The following LUZP2 variants were observed in gnomAD, a reference collection of about 807,000 sequenced individuals.
The protein encoded by LUZP2 is leucine zipper protein 2.
In LUZP2, 52 loss-of-function variants were observed where a neutral mutation model predicts 51.6. The ratio of observed to expected loss-of-function variants is 1.01; its 90% confidence interval spans 0.81 to 1.27. LUZP2 has a LOEUF of 1.27. Among genes scored for constraint, LUZP2 ranks in the 50% most tolerant of loss-of-function variants. The pLI is 0.00. For synonymous variants in LUZP2, 154 were observed against 137.3 expected, an observed-to-expected ratio of 1.12 and a Z score of -0.85; for missense variants, 436 against 395.4, an observed-to-expected ratio of 1.10 and a Z score of -0.87.
chr11:24,684,573 G>A (rs1856842116), intron 1 of LUZP2, among the ~76,000 whole-genome samples: 1 of 152,156 alleles, frequency 6.6e-6, no homozygotes, highest in African/African-American at 2.4e-5. Context: ...AAGCTTCAGG[G>A]AGCTGAAGCC....
At chr11:24,688,610 A>G (rs1244934133) in intron 1 of LUZP2, among the ~76,000 whole-genome samples, 4 of 152,098 alleles carry the variant, frequency 2.6e-5, no homozygotes, top group Non-Finnish European at 4.4e-5. Context: ...TGGATCTCTT[A>G]AAATCTTATT....
At chr11:24,626,698 G>A (rs978987798) in intron 1 of LUZP2, among the ~76,000 whole-genome samples, 1 of 152,050 alleles carries the variant, frequency 6.6e-6, no homozygotes, top group Non-Finnish European at 1.5e-5. Context: ...TCAACTCTGT[G>A]GGCTAACATA....
intron 5 of LUZP2, among the ~76,000 whole-genome samples, chr11:24,768,868 C>T (rs1347985453): frequency 6.6e-6 from 1 of 152,090 alleles, no homozygotes; most frequent in Non-Finnish European, 1.5e-5. Context: ...AATAGAACTA[C>T]CATATGATCC....
At chr11:24,646,152 C>G (rs566020381) in intron 1 of LUZP2, among the ~76,000 whole-genome samples, 1 of 152,090 alleles carries the variant, frequency 6.6e-6, no homozygotes, top group African/African-American at 2.4e-5. Context: ...AAGGGCTTAG[C>G]CTGACTTCTC....
rs139280289 is a variant in LUZP2 at position 24,498,779 on chromosome 11, T to C, written c.62+1474T>C. The stretch of plus-strand genomic sequence containing the variant: ...ACTCTTATGTTGTGATTTAGTCTTC[T>C]AGAGAAAGGAAATTTTCTAACTTTG... On this transcript the variant is annotated intron_variant, in intron 1 of 11. Coordinates refer to ENST00000336930, the MANE Select transcript of LUZP2 (RefSeq NM_001009909.4). Among the ~76,000 whole-genome samples, 1,480 of 152,322 alleles carry C rather than the reference T, an allele frequency of 9.7e-3. 28 individuals carry two copies. The highest frequency in any genetic ancestry group is 0.034 in the African/African-American group (1,409 of 41,566).
At chr11:25,007,373 T>C (rs1476184261) in intron 9 of LUZP2, among the ~76,000 whole-genome samples, 1 of 152,088 alleles carries the variant, frequency 6.6e-6, no homozygotes, top group East Asian at 1.9e-4. Flanking sequence ...TAGGCTGAGG[T>C]GGGCAAATCA....
chr11:25,045,638 C>T (rs1301924087), intron 9 of LUZP2, among the ~76,000 whole-genome samples: 3 of 152,094 alleles, frequency 2.0e-5, no homozygotes, highest in Non-Finnish European at 2.9e-5. Flanking sequence ...TGAAAAGGAT[C>T]CATCTGCTAC....
At chr11:24,934,014 A>T (rs750338017) in intron 7 of LUZP2, among the ~76,000 whole-genome samples, 1 of 152,208 alleles carries the variant, frequency 6.6e-6, no homozygotes, top group African/African-American at 2.4e-5. Context: ...GGGAGGGTGT[A>T]TCGTACAAAG....
At chr11:24,519,084 G>A (rs1432457593) in intron 1 of LUZP2, among the ~76,000 whole-genome samples, 3 of 152,128 alleles carry the variant, frequency 2.0e-5, no homozygotes, top group Non-Finnish European at 4.4e-5. Flanking sequence ...TGGCCTTTGG[G>A]CTCTATTTTA....
intron 9 of LUZP2, among the ~76,000 whole-genome samples, chr11:24,996,768 C>G (rs183183337): frequency 2.8e-3 from 419 of 152,084 alleles, no homozygotes; most frequent in African/African-American, 9.4e-3. Context: ...ATCCCTCCCC[C>G]TCTCCCCACC....
chr11:24,748,489 C>G (rs561465487), intron 4 of LUZP2, among the ~76,000 whole-genome samples: 10 of 149,742 alleles, frequency 6.7e-5, no homozygotes, highest in African/African-American at 2.5e-4. Context: ...GAGACAGAGT[C>G]TTGCTCTGTG....
At chr11:24,903,189 T>C (rs1223444438) in intron 5 of LUZP2, among the ~76,000 whole-genome samples, 3 of 152,178 alleles carry the variant, frequency 2.0e-5, no homozygotes, top group African/African-American at 7.2e-5. Context: ...TTATTGGGGA[T>C]ACACATCTCT....
chr11:24,609,082 G>T (rs1355360969), intron 1 of LUZP2, among the ~76,000 whole-genome samples: 4 of 152,068 alleles, frequency 2.6e-5, no homozygotes, highest in African/African-American at 4.8e-5. Flanking sequence ...ACCCAGCCTG[G>T]ACTTGTAGGT....
chr11:25,070,702 A>G (rs1051419876), intron 10 of LUZP2, among the ~76,000 whole-genome samples: 2 of 151,742 alleles, frequency 1.3e-5, no homozygotes, highest in Non-Finnish European at 2.9e-5. Context: ...TTTAAAGATC[A>G]TATGTTTCAG....
intron 5 of LUZP2, among the ~76,000 whole-genome samples, chr11:24,852,022 G>A: frequency 6.6e-6 from 1 of 151,828 alleles, no homozygotes; most frequent in East Asian, 1.9e-4. Flanking sequence ...TATTAGTCTG[G>A]CTAGCAGTAT....
At chr11:24,922,002 C>T (rs192169640) in intron 7 of LUZP2, among the ~76,000 whole-genome samples, 3 of 152,120 alleles carry the variant, frequency 2.0e-5, no homozygotes, top group Admixed American at 2.0e-4. Flanking sequence ...TAACATGTTA[C>T]CTGTAAAGCA....
chr11:24,991,392 G>GTATATATATATATATATATATATATATA (rs770909829), intron 9 of LUZP2, among the ~76,000 whole-genome samples: 2 of 104,554 alleles, frequency 1.9e-5, no homozygotes, highest in South Asian at 3.1e-4. Flanking sequence ...GTGTGTGTGT[G>GTATATATATATATATATATATATATATA]TGTGTATATA....
chr11:24,966,172 C>T (rs1381724646), intron 7 of LUZP2, among the ~76,000 whole-genome samples: 1 of 151,590 alleles, frequency 6.6e-6, no homozygotes, highest in Non-Finnish European at 1.5e-5. Context: ...AACCACTTTT[C>T]ATTTATTCAA....
chr11:24,572,612 G>A (rs990665961), intron 1 of LUZP2, among the ~76,000 whole-genome samples: 5 of 151,978 alleles, frequency 3.3e-5, no homozygotes, highest in African/African-American at 1.2e-4. Context: ...TCTGTGCAAG[G>A]ATAGTGGCAT....
Sources: allele counts gnomAD v4.1 joint callset (sites outside exome capture counted in the v4.1 genomes callset), GRCh38; gene constraint gnomAD v4.1.1; transcripts MANE v1.5; gene names NCBI Gene and HGNC (gene_info 2026-07-23, HGNC 2026-07-21).